Variants in ZNF469 observed in about 807,000 individuals in gnomAD.
ZNF469 encodes the protein zinc finger protein 469.
In ZNF469, 1 loss-of-function variant was observed where a neutral mutation model predicts 1.0. The observed-to-expected ratio is 1.00, with a 90% CI of 0.35 to 4.73. The LOEUF (loss-of-function observed/expected upper bound fraction) is 4.73. ZNF469 is among the 30% of genes most tolerant of loss of function. The probability of loss-of-function intolerance (pLI) is 0.16; values close to 1 mark genes in which losing one functional copy is unlikely to be tolerated. For synonymous variants in ZNF469, 2,703 were observed against 2,363.4 expected (o/e 1.14, Z -4.17); for missense variants, 6,100 against 5,356.3 (o/e 1.14, Z -4.33).
chr16:88,127,461 A>G, the ZNF469 span, among the ~76,000 whole-genome samples: 3 of 152,192 alleles, frequency 2.0e-5, no homozygotes, highest in African/African-American at 7.2e-5. Context: ...TTTCCTTTAC[A>G]GTAGTAATAT....
Position 88,428,411 on chromosome 16 carries a change from C to G in ZNF469, c.941C>G (p.Pro314Arg), listed in dbSNP as rs777666112. 1 of 1,548,190 alleles carries G rather than the reference C, an allele frequency of 6.5e-7. No homozygotes were observed. ...FAFHQPQGAW[P>R]EEAVGTGPAY... is the part of the protein sequence containing the mutation. ...TTCCATCAGCCCCAGGGAGCGTGGC[C>G]GGAGGAGGCCGTGGGCACGGGCCCT... Residue 314 changes from proline to arginine, a missense_variant, in exon 3 of 3, where the codon CCG (proline) becomes CGG (arginine). Transcript: ENST00000565624.
chr16:88,383,050 A>T lies in ZNF469; in HGVS notation c.-396A>T, dbSNP rs2092529358. On this transcript the variant is annotated 5_prime_UTR_variant, in exon 1 of 3. Coordinates refer to ENST00000565624, the MANE Select transcript of ZNF469 (RefSeq NM_001367624.2). ...AGGGCTGGCCCGCGGCGACCTGGGCAGGGTGGCGGCTGCTCCCTCTCCTCC... is the reference window on the plus strand; with the variant it reads ...AGGGCTGGCCCGCGGCGACCTGGGCTGGGTGGCGGCTGCTCCCTCTCCTCC... Among the ~76,000 whole-genome samples, 1 of 151,100 alleles carries T rather than the reference A, an allele frequency of 6.6e-6. No homozygotes were observed. The highest frequency in any genetic ancestry group is 2.4e-5 in the African/African-American group (1 of 41,274).
chr16:88,399,472 C>T (rs1317380987), intron 1 of ZNF469, among the ~76,000 whole-genome samples: 1 of 152,016 alleles, frequency 6.6e-6, no homozygotes, highest in East Asian at 1.9e-4. Flanking sequence ...AAGCAGATGC[C>T]CGTGGGCCAG....
the ZNF469 span, among the ~76,000 whole-genome samples, chr16:88,351,042 G>A: frequency 2.6e-5 from 4 of 152,350 alleles, no homozygotes; most frequent in East Asian, 5.8e-4. Context: ...GCGCTCCCCC[G>A]GCGTGGCCAT....
At chr16:88,380,967 T>C (rs1285938278), upstream of ZNF469, among the ~76,000 whole-genome samples, 8 of 90,158 alleles carry the variant, frequency 8.9e-5, no homozygotes, top group South Asian at 4.4e-4. Flanking sequence ...CACACAGACA[T>C]GCACTCACAC....
chr16:88,131,004 G>T, the ZNF469 span, among the ~76,000 whole-genome samples: 9 of 152,354 alleles, frequency 5.9e-5, no homozygotes, highest in South Asian at 1.9e-3. Context: ...TGCTTCTCCT[G>T]TTCCTGCGTG....
the ZNF469 span, among the ~76,000 whole-genome samples, chr16:88,205,731 C>T: frequency 2.0e-4 from 31 of 152,190 alleles, no homozygotes; most frequent in African/African-American, 7.0e-4. The surrounding 1 kb of genome is among the most constrained non-coding windows in gnomAD (Gnocchi z 4.2). Context: ...GTCAGAGACG[C>T]GCGATCATTT....
the ZNF469 span, among the ~76,000 whole-genome samples, chr16:88,225,026 G>C: frequency 7.2e-5 from 11 of 152,188 alleles, no homozygotes; most frequent in Non-Finnish European, 1.6e-4. Flanking sequence ...GGATGTGAGC[G>C]TGGGCTGCTC....
the ZNF469 span, among the ~76,000 whole-genome samples, chr16:88,235,662 A>G: frequency 7.9e-5 from 12 of 152,212 alleles, no homozygotes; most frequent in African/African-American, 2.9e-4. Context: ...GGAATTCAGT[A>G]TCTGAGAAGA....
the ZNF469 span, among the ~76,000 whole-genome samples, chr16:88,150,941 G>A: frequency 6.6e-6 from 1 of 152,206 alleles, no homozygotes; most frequent in Non-Finnish European, 1.5e-5. Context: ...CAGGCCCGGG[G>A]AAGGGGTTTC....
Position 88,430,087 on chromosome 16 carries a change from C to A in ZNF469, c.2617C>A (p.Pro873Thr), listed in dbSNP as rs1237408873. 2.1e-5 allele frequency: 32 copies of A among 1,550,142 alleles called. 1 individual carries two copies. The East Asian group carries it at 4.9e-4, about 24-fold the overall frequency. Residue 873 changes from proline (P) to threonine (T), a missense_variant, in exon 3 of 3, where the codon CCT (proline) becomes ACT (threonine). Transcript: ENST00000565624. ...SFIDVFADEE[P>T]SGPRGPSSGH... is the part of the protein sequence containing the mutation. ...CATCGACGTCTTCGCGGACGAGGAG[C>A]CTTCCGGCCCCAGAGGTCCCAGCTC...
the ZNF469 span, among the ~76,000 whole-genome samples, chr16:88,345,458 G>A: frequency 2.0e-5 from 3 of 152,196 alleles, no homozygotes; most frequent in Non-Finnish European, 4.4e-5. Flanking sequence ...GGCTACACAC[G>A]CAAACGTTGG....
the ZNF469 span, among the ~76,000 whole-genome samples, chr16:88,345,444 T>C: frequency 6.6e-6 from 1 of 152,218 alleles, no homozygotes; most frequent in African/African-American, 2.4e-5. Flanking sequence ...GGCACAGCCA[T>C]GATGGCTACA....
At chr16:88,141,426 C>T in the ZNF469 span, among the ~76,000 whole-genome samples, 41,387 of 121,136 alleles carry the variant, frequency 0.34, 12,529 homozygotes, top group Non-Finnish European at 0.51. Flanking sequence ...GGGAAAGAGG[C>T]CCTGGGAGGT....
chr16:88,322,290 A>T, the ZNF469 span, among the ~76,000 whole-genome samples: 1 of 152,236 alleles, frequency 6.6e-6, no homozygotes, highest in African/African-American at 2.4e-5. Flanking sequence ...AACTCACCTG[A>T]GGCCCCACGG....
chr16:88,324,182 G>A, the ZNF469 span, among the ~76,000 whole-genome samples: 2 of 152,222 alleles, frequency 1.3e-5, no homozygotes. Flanking sequence ...CACAGCATGA[G>A]GGCTGGGTCC....
At chr16:88,165,307 G>C in the ZNF469 span, among the ~76,000 whole-genome samples, 1 of 152,262 alleles carries the variant, frequency 6.6e-6, no homozygotes. Context: ...GCCACCCCGG[G>C]TAGCCGAGGC....
the ZNF469 span, among the ~76,000 whole-genome samples, chr16:88,202,621 G>A: frequency 6.6e-6 from 1 of 152,198 alleles, no homozygotes. Context: ...CTGAGGCTCT[G>A]GGGTGTAGAA....
chr16:88,318,895 C>T, the ZNF469 span, among the ~76,000 whole-genome samples: 1 of 152,262 alleles, frequency 6.6e-6, no homozygotes, highest in Non-Finnish European at 1.5e-5. Flanking sequence ...ACCGTCCTCA[C>T]CAGGGCAGCA....
Sources: gnomAD v4.1 joint callset for allele counts (sites outside exome capture counted in the v4.1 genomes callset) on GRCh38, gnomAD v4.1.1 for gene constraint, Gnocchi (gnomAD v3.1) non-coding constraint, MANE v1.5 for transcripts, NCBI Gene and HGNC (gene_info 2026-07-23, HGNC 2026-07-21) for gene names.